The following MAX variants were observed in gnomAD, a reference collection of about 807,000 sequenced individuals.
The protein encoded by MAX is protein max.
In MAX, 3 loss-of-function variants were observed where a neutral mutation model predicts 22.3. That is an observed-to-expected ratio of 0.13 (90% CI 0.06 to 0.35). The LOEUF (loss-of-function observed/expected upper bound fraction) is 0.35, where lower values mean the gene tolerates loss of function less well. Ranked by LOEUF, MAX falls within the 10% of genes least tolerant of loss-of-function variation. The probability of loss-of-function intolerance (pLI) is 1.00; values close to 1 mark genes in which losing one functional copy is unlikely to be tolerated. For missense variants in MAX, 119 were observed against 209.4 expected (o/e 0.57, Z 2.66); for synonymous variants, 72 against 77.7 (o/e 0.93, Z 0.39).
intron 2 of MAX, chr14:65,094,147 C>T (rs1157484553): frequency 8.3e-6 from 3 of 362,920 alleles, no homozygotes; most frequent in African/African-American, 2.1e-5. Flanking sequence ...ACAGAAGAGC[C>T]ACCAGTCTGT....
At chr14:65,013,842 C>T (rs2061724974) in intron 3 of MAX, among the ~76,000 whole-genome samples, 1 of 152,210 alleles carries the variant, frequency 6.6e-6, no homozygotes, top group Non-Finnish European at 1.5e-5. Context: ...GCTACTGCGC[C>T]CAGTTGCATT....
chr14:65,086,100 T>C (rs1309775223), intron 3 of MAX, among the ~76,000 whole-genome samples: 2 of 152,204 alleles, frequency 1.3e-5, no homozygotes, highest in East Asian at 3.9e-4. Context: ...CTTCGCCTGC[T>C]GCCATCCATG....
At chr14:65,051,833 C>T (rs1422499272) in intron 3 of MAX, among the ~76,000 whole-genome samples, 6 of 145,046 alleles carry the variant, frequency 4.1e-5, no homozygotes, top group East Asian at 2.0e-4. Flanking sequence ...CTCGCTGTGT[C>T]GCCCAGGCTG....
intron 2 of MAX, among the ~76,000 whole-genome samples, chr14:65,099,122 GAAGT>G (rs1378336525): frequency 1.3e-5 from 2 of 152,018 alleles, no homozygotes; most frequent in East Asian, 1.9e-4. Flanking sequence ...TAAATATTGA[GAAGT>G]AAGCAGATGC....
Position 65,078,561 on chromosome 14 carries a change from G to A in MAX, c.172-525C>T, listed in dbSNP as rs1014701502. On this transcript the variant is annotated intron_variant, in intron 3 of 4. Coordinates refer to ENST00000358664, the MANE Select transcript of MAX (RefSeq NM_002382.5). The surrounding 1 kb of genome is among the most constrained non-coding windows in gnomAD (Gnocchi z 6.4). ...TTTTTTTTTTTGGAGACGTAGTCTC[G>A]CTCTGTTGCCCAGGCTGGAGTAGAG... Among the ~76,000 whole-genome samples the A allele has an allele frequency of 1.4e-5, 2 of 145,404 alleles. No individual in the cohort carries two copies. The highest frequency in any genetic ancestry group is 3.0e-5 in the Non-Finnish European group (2 of 66,838).
In MAX at chr14:65,028,702, T is replaced by C. The variant is rs955506558; in HGVS notation, c.172-22418A>G. Reference sequence around the variant, plus strand: ...AAGATGTTCTTCTATCTCTAACTTGTCTAATCCAACCAAAAAAATTAGATT... The same window carrying C: ...AAGATGTTCTTCTATCTCTAACTTGCCTAATCCAACCAAAAAAATTAGATT... On this transcript the variant is annotated intron_variant, in intron 3 of 3. Coordinates refer to the MAX transcript ENST00000341653. This position sits in a 1 kb window ranked among gnomAD's most constrained non-coding sequence, Gnocchi z 4.4. Among the ~76,000 whole-genome samples, 1 of 152,236 alleles carries C rather than the reference T, an allele frequency of 6.6e-6. No homozygotes were observed. The highest frequency in any genetic ancestry group is 1.5e-5 in the Non-Finnish European group (1 of 68,036).
chr14:65,049,184 T>G (rs2062554141), intron 3 of MAX, among the ~76,000 whole-genome samples: 1 of 152,034 alleles, frequency 6.6e-6, no homozygotes, highest in Admixed American at 6.6e-5. Flanking sequence ...GTGAGTTACT[T>G]TGTTTTTTTG....
chr14:65,099,558 A>AC (rs2063770138), intron 2 of MAX, among the ~76,000 whole-genome samples: 1 of 151,910 alleles, frequency 6.6e-6, no homozygotes, highest in Non-Finnish European at 1.5e-5. Flanking sequence ...AAACAAACAA[A>AC]CAAAAAAAAC....
rs1305328884 is a variant in MAX, at chr14:65,031,788, G to T, written c.172-25504C>A. On this transcript the variant is annotated intron_variant, in intron 3 of 3. Coordinates refer to the MAX transcript ENST00000341653. This position sits in a 1 kb window ranked among gnomAD's most constrained non-coding sequence, Gnocchi z 4.6. The stretch of plus-strand genomic sequence containing the variant: ...ATAGAAAAATAAGCCAGGCATGGTG[G>T]CATGCGCCTGTAATCCCAGCTACTT... Among the ~76,000 whole-genome samples, 2 of 152,104 alleles carry T rather than the reference G, an allele frequency of 1.3e-5. No homozygotes were observed. Among genetic ancestry groups the T allele is most frequent in the Non-Finnish European group, 2.9e-5 (2 of 68,024 alleles).
Position 65,027,307 on chromosome 14 carries a change from G to T in MAX, c.172-21023C>A. 1.6e-6 allele frequency: 2 copies of T among 1,280,898 alleles called. No homozygotes were observed. Among genetic ancestry groups the T allele is most frequent in the South Asian group, 1.4e-5 (1 of 71,556 alleles). 79.3% of individuals were successfully genotyped at this position (1,280,898 alleles called of 1,614,324 possible). The stretch of plus-strand genomic sequence containing the variant: ...AGAGAATTAAGCCCTTTGGGGAGAG[G>T]TTATATTCAACAAGTGGGAGGAGAG... On this transcript the variant is annotated intron_variant, in intron 3 of 3. Coordinates refer to the MAX transcript ENST00000341653. This position sits in a 1 kb window ranked among gnomAD's most constrained non-coding sequence, Gnocchi z 5.7.
At chr14:65,013,567 T>C (rs754048892) in intron 3 of MAX, among the ~76,000 whole-genome samples, 9 of 152,202 alleles carry the variant, frequency 5.9e-5, no homozygotes, top group Non-Finnish European at 1.0e-4. Flanking sequence ...TCATAATTTA[T>C]GAGATGGAGT....
intron 3 of MAX, among the ~76,000 whole-genome samples, chr14:65,026,474 C>T (rs905765027): frequency 6.6e-6 from 1 of 152,194 alleles, no homozygotes; most frequent in East Asian, 1.9e-4. Context: ...CGAGTCAGTG[C>T]AGCTCCTCTT....
chr14:65,058,893 T>A (rs1279941463), intron 3 of MAX, among the ~76,000 whole-genome samples: 1 of 152,230 alleles, frequency 6.6e-6, no homozygotes, highest in African/African-American at 2.4e-5. Context: ...ATTTAGGATT[T>A]TTTTGCATGT....
chr14:65,055,874 A>G (rs2139682834), intron 3 of MAX, among the ~76,000 whole-genome samples: 1 of 152,336 alleles, frequency 6.6e-6, no homozygotes, highest in African/African-American at 2.4e-5. Context: ...CAAATGGCCA[A>G]TAGATAGTTG....
rs2062027708 is a variant in MAX, at chr14:65,028,747, G to GAAACCAGTAGAACGACTGAGGT, written c.172-22485_172-22464dup. On this transcript the variant is annotated intron_variant, in intron 3 of 3. Transcript: ENST00000341653. This position sits in a 1 kb window ranked among gnomAD's most constrained non-coding sequence, Gnocchi z 4.4. ...TAGATTAGGATCTGTGTATACCAGT[G>GAAACCAGTAGAACGACTGAGGT]AAACCAGTAGAACGACTGAGGTAAA... 6.6e-6 allele frequency among the ~76,000 whole-genome samples: 1 copy of GAAACCAGTAGAACGACTGAGGT among 152,230 alleles called. No homozygotes were observed. The highest frequency in any genetic ancestry group is 2.4e-5 in the African/African-American group (1 of 41,466).
chr14:65,034,470 G>A (rs2062148755), intron 3 of MAX, among the ~76,000 whole-genome samples: 2 of 152,088 alleles, frequency 1.3e-5, no homozygotes, highest in African/African-American at 2.4e-5. Flanking sequence ...ACTTGGCAAT[G>A]GTATAAACTG....
At chr14:65,020,679 C>T (rs2061869616) in intron 3 of MAX, among the ~76,000 whole-genome samples, 1 of 151,884 alleles carries the variant, frequency 6.6e-6, no homozygotes, top group Non-Finnish European at 1.5e-5. Context: ...GGTGATCCAC[C>T]TGCCTCAGCC....
rs1430507426 is a variant in MAX, at chr14:65,018,843, G to T, written c.172-12559C>A. On this transcript the variant is annotated intron_variant, in intron 3 of 3. Coordinates refer to the MAX transcript ENST00000341653. ...AAAAAAAAAAAGGCCAGGCGCGGTG[G>T]CTCACACCTGTAATCCCAGCACTTT... Among the ~76,000 whole-genome samples, 24 of 149,378 alleles carry T rather than the reference G, an allele frequency of 1.6e-4. No homozygotes were observed. In the East Asian group the frequency reaches 3.4e-3, roughly 21 times the overall value.
chr14:65,077,616 G>A lies in MAX; in HGVS notation c.295+297C>T, dbSNP rs1274310183. ...AGCTCTTTTCAGACACCTGATGCCA[G>A]GTGTGATCCCTACTGCAGGCAGAGC... is the stretch of plus-strand genomic sequence containing the variant. On this transcript the variant is annotated intron_variant, in intron 4 of 4. Transcript: ENST00000358664. The surrounding 1 kb of genome is among the most constrained non-coding windows in gnomAD (Gnocchi z 6.3). The A allele has an allele frequency of 2.7e-6, 3 of 1,099,134 alleles. No individual in the cohort carries two copies. 68.1% of individuals were successfully genotyped at this position (1,099,134 alleles called of 1,614,324 possible).
Sources: allele counts gnomAD v4.1 joint callset (sites outside exome capture counted in the v4.1 genomes callset), GRCh38; gene constraint gnomAD v4.1.1; non-coding constraint Gnocchi (gnomAD v3.1); transcripts MANE v1.5; gene names NCBI Gene and HGNC (gene_info 2026-07-23, HGNC 2026-07-21).